Variants in SETDB1 observed in about 807,000 individuals in gnomAD.
SETDB1 encodes the protein histone-lysine N-methyltransferase SETDB1.
Under a neutral mutation model 137.4 loss-of-function variants are expected in SETDB1, and 31 were observed. That is an observed-to-expected ratio of 0.23 (90% CI 0.17 to 0.30). The LOEUF (loss-of-function observed/expected upper bound fraction) is 0.30, where lower values mean the gene tolerates loss of function less well. Among genes scored for constraint, SETDB1 ranks in the 10% least tolerant of loss-of-function variants. The pLI is 1.00. For missense variants in SETDB1, 1,113 were observed against 1,631.5 expected (o/e 0.68, Z 5.47); for synonymous variants, 548 against 579.9 (o/e 0.95, Z 0.79).
At chr1:150,944,069 A>G (rs752869673) in intron 8 of SETDB1, 76 bp downstream of exon 8, 3 of 1,018,742 alleles carry the variant, frequency 2.9e-6, no homozygotes, top group Non-Finnish European at 4.7e-6. Flanking sequence ...TCCAGTTGAA[A>G]AGCCCTAGTG....
chr1:150,937,295 T>C (rs374313195), intron 3 of SETDB1, among the ~76,000 whole-genome samples: 2 of 151,914 alleles, frequency 1.3e-5, no homozygotes, highest in Non-Finnish European at 1.5e-5. Context: ...AGATGAGATA[T>C]CTAGCATTCA....
chr1:150,942,460 AAAT>A (rs1162079373), intron 5 of SETDB1, 100 bp from the exon 6 acceptor site: 1 of 1,025,128 alleles, frequency 9.8e-7, no homozygotes, highest in East Asian at 2.5e-5. Context: ...AAAAAAAAAA[AAAT>A]TACCCCACTT....
At chr1:150,932,052 T>C (rs139793505) in intron 3 of SETDB1, among the ~76,000 whole-genome samples, 137 of 152,106 alleles carry the variant, frequency 9.0e-4, no homozygotes, top group Admixed American at 3.1e-3. Flanking sequence ...GATGTATAAT[T>C]CTTTTTATAT....
chr1:150,962,864 T>G, intron 18 of SETDB1, 110 bp from the exon 19 acceptor site: 1 of 1,469,688 alleles, frequency 6.8e-7, no homozygotes, highest in Non-Finnish European at 9.3e-7. Context: ...ATCCAGCATC[T>G]AATCTTCCTC....
intron 2 of SETDB1, 80 bp downstream of exon 2, chr1:150,928,054 C>A: frequency 6.8e-7 from 1 of 1,465,492 alleles, no homozygotes; most frequent in Non-Finnish European, 9.4e-7. Flanking sequence ...GACATTGAAC[C>A]AAGCATTTTA....
At chr1:150,959,454 G>GT in intron 15 of SETDB1, 107 bp downstream of exon 15, 3 of 899,850 alleles carry the variant, frequency 3.3e-6, no homozygotes, top group Non-Finnish European at 5.3e-6. Flanking sequence ...GTGAACTGGA[G>GT]TAAGAGGAGG....
rs762200015 is a variant in SETDB1 at position 150,942,599 on chromosome 1, A to ATGG, written c.587_589dup (p.Gly196dup). On this transcript the variant is annotated inframe_insertion, in exon 6 of 22. Coordinates refer to ENST00000692827, the MANE Select transcript of SETDB1 (RefSeq NM_001366418.1). ...CAGATGTCTGGAGAACTAAGCAAAG[A>ATGG]TGGTGACCTGATAGTCAGCATGCGA... is the stretch of plus-strand genomic sequence containing the variant. The ATGG allele has an allele frequency of 6.2e-7, 1 of 1,613,908 alleles. No individual in the cohort carries two copies. Among genetic ancestry groups the ATGG allele is most frequent in the South Asian group, 1.1e-5 (1 of 91,038 alleles).
chr1:150,931,746 A>AAAC (rs1669765156), intron 3 of SETDB1, among the ~76,000 whole-genome samples: 1 of 148,318 alleles, frequency 6.7e-6, no homozygotes, highest in Non-Finnish European at 1.5e-5. Flanking sequence ...AAAAAAAAAA[A>AAAC]CAGACATCCT....
Position 150,961,197 on chromosome 1 carries a change from C to CA in SETDB1, c.3132+7dup. ...TCAAACAGGCCAAGAAAGAGGTAAG[C>CA]AGTGGCAGAACACTCTGAGAGCTAT... On this transcript the variant is annotated splice_region_variant and intron_variant, in intron 16 of 21. Coordinates refer to ENST00000692827, the MANE Select transcript of SETDB1 (RefSeq NM_001366418.1). 2.5e-6 allele frequency: 4 copies of CA among 1,612,124 alleles called. No homozygotes were observed. Among genetic ancestry groups the CA allele is most frequent in the Non-Finnish European group, 3.4e-6 (4 of 1,179,718 alleles).
At chr1:150,962,088 G>C in intron 16 of SETDB1, 42 bp from the exon 17 acceptor site, 1 of 1,613,328 alleles carries the variant, frequency 6.2e-7, no homozygotes, top group African/African-American at 1.3e-5. Context: ...CTTGTTACCC[G>C]AGGCTGTGAA....
chr1:150,928,708 T>TA (rs1669620267), intron 2 of SETDB1, among the ~76,000 whole-genome samples: 1 of 152,164 alleles, frequency 6.6e-6, no homozygotes, highest in Non-Finnish European at 1.5e-5. Context: ...TGGTGTCACT[T>TA]ACATTAGGTA....
intron 10 of SETDB1, among the ~76,000 whole-genome samples, chr1:150,948,690 T>A (rs773956712): frequency 2.0e-5 from 3 of 151,894 alleles, no homozygotes; most frequent in Non-Finnish European, 4.4e-5. Flanking sequence ...TAATGGGAAC[T>A]GAGAGTCTAA....
rs587626250 is a variant in SETDB1 at position 150,962,895 on chromosome 1, C to T, written c.3295-79C>T. The T allele has an allele frequency of 2.1e-4, 332 of 1,546,910 alleles. 6 individuals carry two copies. The South Asian group carries it at 3.7e-3, about 17-fold the overall frequency. On this transcript the variant is annotated intron_variant, in intron 18 of 21. Coordinates refer to ENST00000692827, the MANE Select transcript of SETDB1 (RefSeq NM_001366418.1). Reference sequence around the variant, plus strand: ...TCCTCTTGCCACCGCCCTTTCCTGCCAAACCGTGGGTAACAGCAAGGACTT... The same window carrying T: ...TCCTCTTGCCACCGCCCTTTCCTGCTAAACCGTGGGTAACAGCAAGGACTT...
chr1:150,950,587 G>C lies in SETDB1; in HGVS notation c.1713G>C (p.Lys571Asn). 6.2e-7 allele frequency: 1 copy of C among 1,614,152 alleles called. No homozygotes were observed. The highest frequency in any genetic ancestry group is 8.5e-7 in the Non-Finnish European group (1 of 1,180,046). The change falls in exon 13 of 22, where the codon AAG (lysine) becomes AAC (asparagine). Residue 571 changes from lysine (K) to asparagine (N), a missense_variant. Around this residue, in one of 11 missense-constraint regions of SETDB1, gnomAD observed 192 missense variants for 198.1 expected, o/e 0.97. Coordinates refer to ENST00000692827, the MANE Select transcript of SETDB1 (RefSeq NM_001366418.1). Reference protein sequence around the residue: ...AEPSYRAPMEKLFYLPHVCSY... With the variant: ...AEPSYRAPMENLFYLPHVCSY... ...CCTCCTACCGTGCTCCCATGGAGAAGCTTTTCTACTTACCTCATGTCTGCA... is the reference window on the plus strand; with the variant it reads ...CCTCCTACCGTGCTCCCATGGAGAACCTTTTCTACTTACCTCATGTCTGCA...
chr1:150,962,798 T>C, intron 18 of SETDB1, 79 bp downstream of exon 18: 1 of 1,512,112 alleles, frequency 6.6e-7, no homozygotes, highest in Non-Finnish European at 9.1e-7. Context: ...TCACTATAAT[T>C]ACTGTTAGGT....
intron 2 of SETDB1, among the ~76,000 whole-genome samples, chr1:150,928,926 A>C (rs1669631728): frequency 6.6e-6 from 1 of 152,162 alleles, no homozygotes; most frequent in Non-Finnish European, 1.5e-5. Flanking sequence ...ACATGAACTC[A>C]TCCTTTTTTA....
Position 150,949,426 on chromosome 1 carries a change from T to A in SETDB1, c.1484T>A (p.Phe495Tyr). 1 of 1,614,202 alleles carries A rather than the reference T, an allele frequency of 6.2e-7. No homozygotes were observed. The highest frequency in any genetic ancestry group is 1.1e-5 in the South Asian group (1 of 91,080). Reference sequence around the variant, plus strand: ...CAGGTAGCCAAAAAGAGCACGTCCTTTCGACCAGGATCTGTGGGCTCTGGT... The same window carrying A: ...CAGGTAGCCAAAAAGAGCACGTCCTATCGACCAGGATCTGTGGGCTCTGGT... ...RKQVAKKSTS[F>Y]RPGSVGSGHS... The change falls in exon 12 of 22, where the codon TTT (phenylalanine) becomes TAT (tyrosine). Residue 495 changes from phenylalanine to tyrosine, a missense_variant. By Grantham distance (22) the Phe-to-Tyr change is conservative (BLOSUM62 3). This residue lies in a region of SETDB1 where 192 missense variants were observed against 198.1 expected (regional missense o/e 0.97). Coordinates refer to ENST00000692827, the MANE Select transcript of SETDB1 (RefSeq NM_001366418.1).
At chr1:150,939,251 A>ATTTTTTTTTTTTT (rs71580343) in intron 3 of SETDB1, among the ~76,000 whole-genome samples, 1 of 107,190 alleles carries the variant, frequency 9.3e-6, no homozygotes, top group Non-Finnish European at 1.8e-5. Flanking sequence ...TGCACCCAGC[A>ATTTTTTTTTTTTT]TTTTTTTTTT....
intron 2 of SETDB1, 103 bp downstream of exon 2, chr1:150,928,077 A>G: frequency 1.4e-6 from 2 of 1,385,474 alleles, no homozygotes; most frequent in South Asian, 2.7e-5. Context: ...TTATGTTTTG[A>G]GACGGAGTCT....
Sources: allele counts gnomAD v4.1 joint callset (sites outside exome capture counted in the v4.1 genomes callset), GRCh38; gene constraint gnomAD v4.1.1; regional missense constraint gnomAD v4.1.1; transcripts MANE v1.5; gene names NCBI Gene and HGNC (gene_info 2026-07-23, HGNC 2026-07-21).